Variants in EFCAB6 observed in about 807,000 individuals in gnomAD.
EFCAB6 encodes EF-hand calcium binding domain 6.
Under a neutral mutation model 169.8 loss-of-function variants are expected in EFCAB6, and 156 were observed. The ratio of observed to expected loss-of-function variants is 0.92; its 90% CI spans 0.81 to 1.05. The LOEUF (loss-of-function observed/expected upper bound fraction) is 1.05, where lower values mean the gene tolerates loss of function less well. Ranked by LOEUF, EFCAB6 falls within the 50% of genes least tolerant of loss-of-function variation. The pLI is 0.00. For missense variants in EFCAB6, 1,800 were observed against 1,829.1 expected, an observed-to-expected ratio of 0.98 and a Z score of 0.29; for synonymous variants, 698 against 676.4, an observed-to-expected ratio of 1.03 and a Z score of -0.50.
intron 26 of EFCAB6, among the ~76,000 whole-genome samples, chr22:43,560,807 C>T (rs1201705995): frequency 6.6e-6 from 1 of 152,212 alleles, no homozygotes; most frequent in South Asian, 2.1e-4. Flanking sequence ...TCCTGGCCTG[C>T]AAACACATGC....
At chr22:43,717,161 CT>C (rs971725587) in intron 8 of EFCAB6, among the ~76,000 whole-genome samples, 189 bp from the exon 9 acceptor site, 9 of 152,044 alleles carry the variant, frequency 5.9e-5, no homozygotes, top group Admixed American at 2.0e-4. Context: ...AAGTAATCAT[CT>C]ACTCACTATC....
At position 43,672,263 on chromosome 22, in the gene EFCAB6, G is replaced by A. The variant is rs758106388; in HGVS notation, c.1462C>T (p.Leu488Phe). The A allele has an allele frequency of 1.2e-6, 2 of 1,614,044 alleles. No homozygotes were observed. Residue 488 changes from leucine to phenylalanine, a missense_variant, in exon 14 of 32, where the codon CTC becomes TTC. Coordinates refer to ENST00000262726, the MANE Select transcript of EFCAB6 (RefSeq NM_022785.4). ...TTACTTACTGAATCCCAGGCCAGGAGGAAAGGTGTCTTAGCATCTGTACAG... is the reference window on the plus strand; with the variant it reads ...TTACTTACTGAATCCCAGGCCAGGAAGAAAGGTGTCTTAGCATCTGTACAG... ...SPCTDAKTPFLLAWDSVEEIV... is the reference protein window; with the variant it reads ...SPCTDAKTPFFLAWDSVEEIV...
chr22:43,679,865 G>A (rs1250620281), intron 12 of EFCAB6, among the ~76,000 whole-genome samples: 1 of 152,032 alleles, frequency 6.6e-6, no homozygotes, highest in East Asian at 1.9e-4. Flanking sequence ...AAAAGTACTT[G>A]TATGTTCTAG....
chr22:43,708,317 A>T (rs2059031912), intron 10 of EFCAB6, among the ~76,000 whole-genome samples: 1 of 152,108 alleles, frequency 6.6e-6, no homozygotes, highest in South Asian at 2.1e-4. Flanking sequence ...GAGGCAGGAG[A>T]ATCGCTTGAA....
At chr22:43,605,049 C>T (rs1277252422) in intron 22 of EFCAB6, among the ~76,000 whole-genome samples, 3 of 152,148 alleles carry the variant, frequency 2.0e-5, no homozygotes, top group Admixed American at 6.5e-5. Flanking sequence ...AGCAGGTGCT[C>T]GGAATGCCAA....
rs559490503 is a variant in EFCAB6 at position 43,567,742 on chromosome 22, C to T, written c.3420+8555G>A. Among the ~76,000 whole-genome samples the T allele has an allele frequency of 7.0e-4, 107 of 152,270 alleles. 1 individual carries two copies. Among genetic ancestry groups the T allele is most frequent in the African/African-American group, 1.9e-3 (80 of 41,534 alleles). On this transcript the variant is annotated intron_variant, in intron 26 of 31. Coordinates refer to ENST00000262726, the MANE Select transcript of EFCAB6 (RefSeq NM_022785.4). ...AGAGTACCAGTGGCCTTCCTTCCTG[C>T]GTCTCCTTTACCCAGGCACTGAGCT...
At chr22:43,769,308 T>C (rs1417108710) in intron 4 of EFCAB6, among the ~76,000 whole-genome samples, 1 of 152,204 alleles carries the variant, frequency 6.6e-6, no homozygotes, top group Non-Finnish European at 1.5e-5. Context: ...TGACAGAAAG[T>C]ACATTAGTAT....
intron 8 of EFCAB6, among the ~76,000 whole-genome samples, chr22:43,722,955 A>G (rs2059592771): frequency 6.6e-6 from 1 of 152,252 alleles, no homozygotes; most frequent in African/African-American, 2.4e-5. Flanking sequence ...ACACAGGAAC[A>G]GAAAACCAAA....
chr22:43,719,861 A>T (rs1190256801), intron 8 of EFCAB6, among the ~76,000 whole-genome samples: 1 of 152,226 alleles, frequency 6.6e-6, no homozygotes, highest in African/African-American at 2.4e-5. Flanking sequence ...GGAGTCATGG[A>T]AGAGCAGTAT....
At chr22:43,783,572 C>T (rs1324483272) in intron 2 of EFCAB6, among the ~76,000 whole-genome samples, 3 of 152,174 alleles carry the variant, frequency 2.0e-5, no homozygotes, top group African/African-American at 4.8e-5. Flanking sequence ...CAGGCATTTA[C>T]GGAAATTTCT....
intron 1 of EFCAB6, among the ~76,000 whole-genome samples, chr22:43,811,608 G>C (rs1179764657): frequency 6.6e-6 from 1 of 152,142 alleles, no homozygotes; most frequent in African/African-American, 2.4e-5. Context: ...GGCTGTGGGA[G>C]AAGAGTGTAA....
At chr22:43,790,549 G>A (rs1217401816) in intron 2 of EFCAB6, among the ~76,000 whole-genome samples, 2 of 152,202 alleles carry the variant, frequency 1.3e-5, no homozygotes, top group African/African-American at 2.4e-5. Flanking sequence ...ATCTAAAGGA[G>A]ACCAAGAGGG....
chr22:43,616,033 G>T, intron 20 of EFCAB6, 111 bp from the exon 21 acceptor site: 1 of 756,162 alleles, frequency 1.3e-6, no homozygotes, highest in Non-Finnish European at 2.0e-6. Context: ...ATTAAAGTCT[G>T]TTATTTCACT....
At position 43,669,543 on chromosome 22, in the gene EFCAB6, A is replaced by G. The variant is rs2057397395; in HGVS notation, c.1641-498T>C. On this transcript the variant is annotated intron_variant, in intron 15 of 31. Coordinates refer to ENST00000262726, the MANE Select transcript of EFCAB6 (RefSeq NM_022785.4). ...AAGTAATCTATCATGAAAGAGAGCT[A>G]TCAGTGGTTTCGTGGAGGTGGGAGG... 2.6e-5 allele frequency among the ~76,000 whole-genome samples: 4 copies of G among 152,352 alleles called. No individual in the cohort carries two copies. In the South Asian group the frequency reaches 8.3e-4, roughly 32 times the overall value.
chr22:43,731,486 T>C (rs899042266), intron 8 of EFCAB6, among the ~76,000 whole-genome samples: 7 of 152,220 alleles, frequency 4.6e-5, no homozygotes, highest in Non-Finnish European at 5.9e-5. Context: ...TTCCTGGCTG[T>C]AGATTTTACC....
intron 27 of EFCAB6, among the ~76,000 whole-genome samples, chr22:43,550,212 G>A (rs940745075): frequency 1.2e-4 from 19 of 152,112 alleles, no homozygotes; most frequent in Non-Finnish European, 2.5e-4. Flanking sequence ...CCACTTCACC[G>A]AGGGAGACAC....
At chr22:43,659,490 C>T (rs2056903846) in intron 17 of EFCAB6, among the ~76,000 whole-genome samples, 1 of 152,062 alleles carries the variant, frequency 6.6e-6, no homozygotes, top group Non-Finnish European at 1.5e-5. Context: ...GAGACCTCAT[C>T]TCTACAAAAT....
chr22:43,691,438 A>C (rs190018892), intron 10 of EFCAB6, among the ~76,000 whole-genome samples: 1 of 152,154 alleles, frequency 6.6e-6, no homozygotes, highest in Non-Finnish European at 1.5e-5. Context: ...TTAGTATTAC[A>C]TACTAAAATA....
At position 43,608,497 on chromosome 22, in the gene EFCAB6, T is replaced by A. The variant is rs758748267; in HGVS notation, c.2666A>T (p.Glu889Val). 1.9e-6 allele frequency: 3 copies of A among 1,614,034 alleles called. No individual in the cohort carries two copies. The Admixed American group carries it at 5.0e-5, about 27-fold the overall frequency. ...TGCCACTTACCTTGCCCAAAGCTTTTCAAACTCTCTTGGTGTGAGGGGAAT... is the reference window on the plus strand; with the variant it reads ...TGCCACTTACCTTGCCCAAAGCTTTACAAACTCTCTTGGTGTGAGGGGAAT... The part of the protein sequence containing the change: ...FDIPLTPREF[E>V]KLWARYDTEG... The change falls in exon 22 of 32, where the codon GAA becomes GTA. Residue 889 changes from glutamate (E) to valine (V), a missense_variant. By Grantham distance (121) the Glu-to-Val change is moderately radical (BLOSUM62 -2). Coordinates refer to ENST00000262726, the MANE Select transcript of EFCAB6 (RefSeq NM_022785.4).
Sources: allele counts gnomAD v4.1 joint callset (sites outside exome capture counted in the v4.1 genomes callset), GRCh38; gene constraint gnomAD v4.1.1; transcripts MANE v1.5; gene names NCBI Gene and HGNC (gene_info 2026-07-23, HGNC 2026-07-21).